The following GMDS variants were observed in gnomAD, a reference collection of about 807,000 sequenced individuals.
The protein encoded by GMDS is GDP-mannose 4,6 dehydratase.
In GMDS, 20 loss-of-function variants were observed where a neutral mutation model predicts 49.9. The observed-to-expected ratio is 0.40, with a 90% CI of 0.28 to 0.58. The LOEUF (loss-of-function observed/expected upper bound fraction) is 0.58, where lower values mean the gene tolerates loss of function less well. Ranked by LOEUF, GMDS falls within the 20% of genes least tolerant of loss-of-function variation. The probability of loss-of-function intolerance (pLI) is 0.42; values close to 1 mark genes in which losing one functional copy is unlikely to be tolerated. For synonymous variants in GMDS, 177 were observed against 178.6 expected, an observed-to-expected ratio of 0.99 and a Z score of 0.07; for missense variants, 362 against 481.4, an observed-to-expected ratio of 0.75 and a Z score of 2.32.
intron 6 of GMDS, among the ~76,000 whole-genome samples, chr6:1,932,774 G>A (rs933182272): frequency 2.6e-5 from 4 of 152,142 alleles, no homozygotes; most frequent in South Asian, 4.2e-4. Flanking sequence ...TCCTGACCTC[G>A]TGATCCACCT....
chr6:1,711,873 G>A (rs996388960), intron 9 of GMDS, among the ~76,000 whole-genome samples: 7 of 152,118 alleles, frequency 4.6e-5, no homozygotes, highest in Non-Finnish European at 1.5e-5. Flanking sequence ...CATAGTGAAG[G>A]CCCCACCCGA....
chr6:2,217,603 C>T (rs1348755177), intron 1 of GMDS, among the ~76,000 whole-genome samples: 2 of 152,144 alleles, frequency 1.3e-5, no homozygotes, highest in African/African-American at 4.8e-5. Flanking sequence ...AATAATGCTG[C>T]AAATAGCTTA....
At chr6:1,867,193 T>C (rs973623309) in intron 7 of GMDS, among the ~76,000 whole-genome samples, 1 of 152,214 alleles carries the variant, frequency 6.6e-6, no homozygotes, top group African/African-American at 2.4e-5. Flanking sequence ...ATTGTGACCA[T>C]TTTAAAAGTG....
At chr6:2,066,322 T>A in intron 4 of GMDS, among the ~76,000 whole-genome samples, 1 of 143,038 alleles carries the variant, frequency 7.0e-6, no homozygotes, top group Non-Finnish European at 1.5e-5. Flanking sequence ...CATGCCAAAA[T>A]GTAAAGACCA....
At chr6:1,922,566 C>T (rs1561893413) in intron 7 of GMDS, among the ~76,000 whole-genome samples, 2 of 152,162 alleles carry the variant, frequency 1.3e-5, no homozygotes, top group Non-Finnish European at 2.9e-5. Flanking sequence ...CGGAATAATG[C>T]CTTTTTGCCC....
At chr6:2,031,730 C>T (rs1418733434) in intron 4 of GMDS, among the ~76,000 whole-genome samples, 6 of 152,092 alleles carry the variant, frequency 3.9e-5, no homozygotes, top group Non-Finnish European at 8.8e-5. Context: ...CTGAACTGCC[C>T]CAGAGGCCAG....
At chr6:1,996,135 TCTTCTTCCTC>T (rs1766265974) in intron 4 of GMDS, among the ~76,000 whole-genome samples, 1 of 151,762 alleles carries the variant, frequency 6.6e-6, no homozygotes, top group Admixed American at 6.6e-5. Flanking sequence ...TCCTCCTTCC[TCTTCTTCCTC>T]CTTCCTCTTC....
intron 2 of GMDS, among the ~76,000 whole-genome samples, chr6:2,120,997 T>G (rs1775108900): frequency 6.6e-6 from 1 of 152,226 alleles, no homozygotes; most frequent in Admixed American, 6.5e-5. Context: ...TTCCATATAC[T>G]GTCTTATCTA....
chr6:2,002,759 T>C (rs1766905182), intron 4 of GMDS, among the ~76,000 whole-genome samples: 1 of 152,138 alleles, frequency 6.6e-6, no homozygotes, highest in Non-Finnish European at 1.5e-5. Flanking sequence ...ATACTACCCC[T>C]AGAAATAAAT....
chr6:2,194,932 T>A (rs1189883439), intron 1 of GMDS, among the ~76,000 whole-genome samples: 1 of 152,256 alleles, frequency 6.6e-6, no homozygotes, highest in African/African-American at 2.4e-5. Flanking sequence ...GTTCCGTGAA[T>A]GCTGCTCTGT....
intron 4 of GMDS, among the ~76,000 whole-genome samples, chr6:2,108,685 G>A (rs960362537): frequency 6.6e-6 from 1 of 152,142 alleles, no homozygotes; most frequent in Non-Finnish European, 1.5e-5. Flanking sequence ...CAAGAGGTCC[G>A]ATATAAAGTA....
intron 4 of GMDS, among the ~76,000 whole-genome samples, chr6:2,023,587 T>C (rs1247921577): frequency 5.9e-5 from 9 of 152,132 alleles, no homozygotes; most frequent in Non-Finnish European, 1.3e-4. Flanking sequence ...AAAGACTCTC[T>C]AAAATAACTG....
chr6:2,027,919 G>C (rs1768702082), intron 4 of GMDS, among the ~76,000 whole-genome samples: 1 of 152,080 alleles, frequency 6.6e-6, no homozygotes, highest in East Asian at 1.9e-4. Context: ...TGCCACTGCA[G>C]AGTCCTGTTC....
intron 4 of GMDS, among the ~76,000 whole-genome samples, chr6:2,098,134 A>G (rs1015277152): frequency 2.6e-5 from 4 of 152,068 alleles, no homozygotes; most frequent in Non-Finnish European, 5.9e-5. Context: ...CGGCTCGCTC[A>G]CTGCAACCTC....
At position 2,063,997 on chromosome 6, in the gene GMDS, G is replaced by A. The variant is rs192999843; in HGVS notation, c.345+51774C>T. On this transcript the variant is annotated intron_variant, in intron 4 of 10. Transcript: ENST00000380815. ...TAGTATAACTACATGCCCAAGTGTCGGGCAAATTGAGTTATCTAAATAGGT... is the reference window on the plus strand; with the variant it reads ...TAGTATAACTACATGCCCAAGTGTCAGGCAAATTGAGTTATCTAAATAGGT... Among the ~76,000 whole-genome samples the A allele has an allele frequency of 7.2e-5, 11 of 152,192 alleles. No individual in the cohort carries two copies. The East Asian group carries it at 2.1e-3, about 29-fold the overall frequency.
intron 1 of GMDS, among the ~76,000 whole-genome samples, chr6:2,154,925 T>C (rs1777035731): frequency 6.8e-6 from 1 of 146,824 alleles, no homozygotes. Flanking sequence ...TATAAAAAGT[T>C]GAACAATATA....
rs560808702 is a variant in GMDS at position 2,029,710 on chromosome 6, G to T, written c.346-68744C>A. ...GGGATCTGGGGCCAACCCCATGCTG[G>T]ATCACATAAGTCTTACTAAGTGTAT... is the stretch of plus-strand genomic sequence containing the variant. On this transcript the variant is annotated intron_variant, in intron 4 of 10. Transcript: ENST00000380815. Among the ~76,000 whole-genome samples the T allele has an allele frequency of 4.6e-4, 70 of 152,200 alleles. 1 individual carries two copies. Among genetic ancestry groups the T allele is most frequent in the African/African-American group, 1.6e-3 (67 of 41,538 alleles).
intron 7 of GMDS, among the ~76,000 whole-genome samples, chr6:1,757,192 T>C (rs1212375527): frequency 6.6e-6 from 1 of 152,226 alleles, no homozygotes; most frequent in Non-Finnish European, 1.5e-5. Context: ...GTGACAGGTT[T>C]AAATGAGGGC....
chr6:1,984,080 G>A (rs1334141563), intron 4 of GMDS, among the ~76,000 whole-genome samples: 1 of 152,122 alleles, frequency 6.6e-6, no homozygotes, highest in Non-Finnish European at 1.5e-5. Flanking sequence ...GACATGGATG[G>A]AGCTGGAAGC....
Sources: allele counts gnomAD v4.1 joint callset (sites outside exome capture counted in the v4.1 genomes callset), GRCh38; gene constraint gnomAD v4.1.1; transcripts MANE v1.5; gene names NCBI Gene and HGNC (gene_info 2026-07-23, HGNC 2026-07-21).